SLC7A8: variants seen among roughly 807,000 people sequenced by gnomAD.
SLC7A8 encodes large neutral amino acids transporter small subunit 2.
In SLC7A8, 30 loss-of-function variants were observed where a neutral mutation model predicts 51.2. The ratio of observed to expected loss-of-function variants is 0.59; its 90% CI spans 0.44 to 0.80. The LOEUF (loss-of-function observed/expected upper bound fraction) is 0.80, where lower values mean the gene tolerates loss of function less well. SLC7A8 is among the 30% of genes least tolerant of loss of function. SLC7A8 has a pLI of 0.00. For synonymous variants in SLC7A8, 257 were observed against 275.8 expected (o/e 0.93, Z 0.67); for missense variants, 612 against 674.4 (o/e 0.91, Z 1.03).
At chr14:23,140,786 G>A (rs1311150173) in intron 4 of SLC7A8, among the ~76,000 whole-genome samples, 162 bp from the exon 5 acceptor site, 1 of 152,214 alleles carries the variant, frequency 6.6e-6, no homozygotes, top group Non-Finnish European at 1.5e-5. Context: ...GATAAAGGGA[G>A]CAGGGAATTT....
intron 1 of SLC7A8, among the ~76,000 whole-genome samples, chr14:23,172,666 C>T (rs2140338938): frequency 6.6e-6 from 1 of 152,330 alleles, no homozygotes; most frequent in African/African-American, 2.4e-5. Flanking sequence ...AACTTGTCTA[C>T]CACCTCAAGA....
At chr14:23,136,688 T>C (rs2048693356) in intron 7 of SLC7A8, among the ~76,000 whole-genome samples, 1 of 152,336 alleles carries the variant, frequency 6.6e-6, no homozygotes, top group East Asian at 1.9e-4. Context: ...GTTTCCTGCA[T>C]GCACACACGA....
intron 3 of SLC7A8, among the ~76,000 whole-genome samples, chr14:23,152,222 T>C (rs2048853756): frequency 6.6e-6 from 1 of 152,054 alleles, no homozygotes; most frequent in Non-Finnish European, 1.5e-5. Flanking sequence ...CTCTGCCTCC[T>C]GGGCTCAAGC....
intron 3 of SLC7A8, among the ~76,000 whole-genome samples, chr14:23,162,802 G>T (rs1291357685): frequency 6.6e-6 from 1 of 152,182 alleles, no homozygotes; most frequent in East Asian, 1.9e-4. Context: ...TGCAAAGAAA[G>T]CCATGGGGTC....
At chr14:23,179,617 G>A (rs1877075327) in intron 1 of SLC7A8, among the ~76,000 whole-genome samples, 1 of 151,950 alleles carries the variant, frequency 6.6e-6, no homozygotes, top group Admixed American at 6.6e-5. Flanking sequence ...AGACCAGCCT[G>A]GGCGATACAG....
Position 23,174,635 on chromosome 14 carries a change from A to G in SLC7A8, c.152-8095T>C, listed in dbSNP as rs146775605. On this transcript the variant is annotated intron_variant, in intron 1 of 10. Coordinates refer to ENST00000316902, the MANE Select transcript of SLC7A8 (RefSeq NM_012244.4). The stretch of plus-strand genomic sequence containing the variant: ...ATAAAATTCACCAGTGCTCAGGACA[A>G]GGCCTAGAATATAATGTGCTCGGTG... Among the ~76,000 whole-genome samples, 339 of 152,382 alleles carry G rather than the reference A, an allele frequency of 2.2e-3. 3 individuals carry two copies. Among genetic ancestry groups the G allele is most frequent in the African/African-American group, 7.7e-3 (319 of 41,598 alleles).
chr14:23,134,835 G>A (rs912194913), intron 7 of SLC7A8, among the ~76,000 whole-genome samples: 16 of 152,332 alleles, frequency 1.1e-4, no homozygotes, highest in Middle Eastern at 6.8e-3. Context: ...TGTATCTTTT[G>A]CCCAGTTTCC....
Position 23,128,271 on chromosome 14 carries a change from C to T in SLC7A8, c.1264-75G>A, listed in dbSNP as rs1303634326. On this transcript the variant is annotated intron_variant, in intron 9 of 10. Transcript: ENST00000316902. The surrounding 1 kb of genome is among the most constrained non-coding windows in gnomAD (Gnocchi z 4.3). ...CCAGGACTAGGGACTGGGGCATTCT[C>T]TCTCTTCTTCACCCACAGAGACACA... 2 of 1,583,334 alleles carry T rather than the reference C, an allele frequency of 1.3e-6. No homozygotes were observed. Among genetic ancestry groups the T allele is most frequent in the Non-Finnish European group, 1.7e-6 (2 of 1,165,272 alleles).
chr14:23,176,750 T>C (rs1365722660), intron 1 of SLC7A8, among the ~76,000 whole-genome samples: 1 of 152,046 alleles, frequency 6.6e-6, no homozygotes, highest in African/African-American at 2.4e-5. Context: ...GAGACTAGCC[T>C]GGCCAACATG....
At chr14:23,144,933 C>CT (rs199939524) in intron 3 of SLC7A8, among the ~76,000 whole-genome samples, 2,252 of 139,560 alleles carry the variant, frequency 0.016, 51 homozygotes, top group African/African-American at 0.052. Flanking sequence ...TTTTCTTTTT[C>CT]TTTTTTTTTT....
chr14:23,151,412 G>A (rs762603763), intron 3 of SLC7A8, among the ~76,000 whole-genome samples: 1 of 152,204 alleles, frequency 6.6e-6, no homozygotes, highest in African/African-American at 2.4e-5. Context: ...GCCAGACAGA[G>A]TTGTGGGGAG....
chr14:23,182,603 A>G (rs904621010), intron 1 of SLC7A8, among the ~76,000 whole-genome samples, 161 bp downstream of exon 1: 6 of 152,190 alleles, frequency 3.9e-5, no homozygotes, highest in African/African-American at 1.4e-4. Flanking sequence ...TGTATTTCCT[A>G]TGCCTCTCAA....
intron 1 of SLC7A8, among the ~76,000 whole-genome samples, chr14:23,175,711 C>A (rs1342252216): frequency 1.3e-5 from 2 of 152,178 alleles, no homozygotes; most frequent in African/African-American, 4.8e-5. Context: ...ACTCCTTTAG[C>A]TCTCTGGTTC....
rs150231437 is a variant in SLC7A8 at position 23,171,921 on chromosome 14, T to C, written c.152-5381A>G. Among the ~76,000 whole-genome samples the C allele has an allele frequency of 1.2e-3, 185 of 152,294 alleles. 1 individual carries two copies. The highest frequency in any genetic ancestry group is 5.2e-3 in the Admixed American group (80 of 15,300). The stretch of plus-strand genomic sequence containing the variant: ...CTGAGGAGTCAACATCTTCTGCAGA[T>C]TGAGATGTGGAAGTCACTGCAGAAC... On this transcript the variant is annotated intron_variant, in intron 1 of 10. Transcript: ENST00000316902.
chr14:23,129,087 A>G (rs991145067), intron 9 of SLC7A8, among the ~76,000 whole-genome samples: 7 of 152,168 alleles, frequency 4.6e-5, no homozygotes, highest in African/African-American at 1.7e-4. Flanking sequence ...TTTAATTCCT[A>G]TCACAGAGTT....
rs1459313688 is a variant in SLC7A8, at chr14:23,128,343, C to T, written c.1264-147G>A. The T allele has an allele frequency of 6.5e-7, 1 of 1,540,392 alleles. No individual in the cohort carries two copies. Among genetic ancestry groups the T allele is most frequent in the Admixed American group, 2.0e-5 (1 of 50,982 alleles). On this transcript the variant is annotated intron_variant, in intron 9 of 10. Coordinates refer to ENST00000316902, the MANE Select transcript of SLC7A8 (RefSeq NM_012244.4). The surrounding 1 kb of genome is among the most constrained non-coding windows in gnomAD (Gnocchi z 4.3). ...CTTCCCTCGGCTCTGTGGTCCCACACTCACCCCTGGTAGGGCAGGGGCTAT... is the reference window on the plus strand; with the variant it reads ...CTTCCCTCGGCTCTGTGGTCCCACATTCACCCCTGGTAGGGCAGGGGCTAT...
At position 23,165,539 on chromosome 14, in the gene SLC7A8, G is replaced by C; in HGVS notation, c.357-103C>G. The C allele has an allele frequency of 7.9e-7, 1 of 1,258,062 alleles. No homozygotes were observed. The highest frequency in any genetic ancestry group is 1.1e-6 in the Non-Finnish European group (1 of 930,836). The allele number at this position is 1,258,062 out of a possible 1,614,324, so 77.9% of individuals were successfully genotyped here. ...GCATCTCTTTTTTATTTTCAAGGAT[G>C]CTGAAGAGCCCAGCCTCTGCCCCCA... On this transcript the variant is annotated intron_variant, in intron 2 of 10. Transcript: ENST00000316902. The surrounding 1 kb of genome is among the most constrained non-coding windows in gnomAD (Gnocchi z 4.2).
intron 3 of SLC7A8, among the ~76,000 whole-genome samples, chr14:23,145,204 C>A (rs1354726841): frequency 6.6e-6 from 1 of 151,080 alleles, no homozygotes; most frequent in East Asian, 2.0e-4. Context: ...GGAGCCACCG[C>A]CCGGCCGGGA....
At position 23,174,431 on chromosome 14, in the gene SLC7A8, T is replaced by A. The variant is rs143568958; in HGVS notation, c.152-7891A>T. 1.2e-4 allele frequency among the ~76,000 whole-genome samples: 19 copies of A among 152,292 alleles called. No individual in the cohort carries two copies. The East Asian group carries it at 3.7e-3, about 29-fold the overall frequency. ...CATTGTGAAACCTTCTCCCCAGAAGTGATGTCACTGCTAATGCTGAGGATA... is the reference window on the plus strand; with the variant it reads ...CATTGTGAAACCTTCTCCCCAGAAGAGATGTCACTGCTAATGCTGAGGATA... On this transcript the variant is annotated intron_variant, in intron 1 of 10. Coordinates refer to ENST00000316902, the MANE Select transcript of SLC7A8 (RefSeq NM_012244.4).
Sources: gnomAD v4.1 joint callset for allele counts (sites outside exome capture counted in the v4.1 genomes callset) on GRCh38, gnomAD v4.1.1 for gene constraint, Gnocchi (gnomAD v3.1) non-coding constraint, MANE v1.5 for transcripts, NCBI Gene and HGNC (gene_info 2026-07-23, HGNC 2026-07-21) for gene names.